Variants in TTLL12 observed in about 807,000 individuals in gnomAD.
TTLL12 encodes tubulin tyrosine ligase like 12, also known as tubulin--tyrosine ligase-like protein 12.
Under a neutral mutation model 79.6 loss-of-function variants are expected in TTLL12, and 77 were observed. That is an observed-to-expected ratio of 0.97 (90% confidence interval 0.81 to 1.17). TTLL12 has a LOEUF of 1.17. TTLL12 is among the 50% of genes most tolerant of loss of function. The pLI, the probability that TTLL12 is intolerant of heterozygous loss-of-function variation, is 0.00. For synonymous variants in TTLL12, 437 were observed against 376.1 expected (o/e 1.16, Z -1.87); for missense variants, 969 against 895.9 (o/e 1.08, Z -1.04).
chr22:43,185,615 C>A (rs1458032718), intron 1 of TTLL12, among the ~76,000 whole-genome samples: 2 of 152,142 alleles, frequency 1.3e-5, no homozygotes. Flanking sequence ...GGCGACCACC[C>A]TCTGTGTGCC....
chr22:43,180,073 A>C, intron 3 of TTLL12, 73 bp from the exon 4 acceptor site: 3 of 1,477,930 alleles, frequency 2.0e-6, no homozygotes, highest in Non-Finnish European at 2.7e-6. Flanking sequence ...GAACCCAGAC[A>C]TCGACCACCA....
At chr22:43,172,668 G>A in intron 9 of TTLL12, 114 bp from the exon 10 acceptor site, 1 of 1,194,708 alleles carries the variant, frequency 8.4e-7, no homozygotes, top group Non-Finnish European at 1.2e-6. Flanking sequence ...TCCTCCTTCT[G>A]CCTTTTCAAA....
chr22:43,170,648 C>T (rs959769348), intron 11 of TTLL12, among the ~76,000 whole-genome samples: 30 of 152,326 alleles, frequency 2.0e-4, no homozygotes, highest in Admixed American at 5.9e-4. Flanking sequence ...TGGTGGCTCA[C>T]GCCTGTAATC....
At position 43,168,848 on chromosome 22, in the gene TTLL12, C is replaced by A; in HGVS notation, c.1709G>T (p.Gly570Val). The A allele has an allele frequency of 6.2e-7, 1 of 1,606,828 alleles. No individual in the cohort carries two copies. Among genetic ancestry groups the A allele is most frequent in the Non-Finnish European group, 8.5e-7 (1 of 1,177,108 alleles). Reference protein sequence around the residue: ...QVACAKPPPLGLCDYPSSRAM... With the variant: ...QVACAKPPPLVLCDYPSSRAM... The stretch of plus-strand genomic sequence containing the variant: ...CCGGGATGAGGGGTAGTCGCAGAGG[C>A]CCAGGGGTGGTGGCTTGGCACAGGC... The change falls in exon 13 of 14, where the codon GGC (glycine) becomes GTC (valine). Residue 570 changes from glycine to valine, a missense_variant. Physicochemically the swap from Gly to Val is moderately radical, Grantham distance 109. Coordinates refer to ENST00000216129, the MANE Select transcript of TTLL12 (RefSeq NM_015140.4).
At chr22:43,181,999 GAAGGCCCGGAAGCAGA>G (rs59310023) in intron 2 of TTLL12, among the ~76,000 whole-genome samples, 26,236 of 144,140 alleles carry the variant, frequency 0.18, 3,393 homozygotes, top group African/African-American at 0.37. Context: ...TCAGGGGGAT[GAAGGCCCGGAAGCAGA>G]AAGGCCCGGA....
chr22:43,171,810 A>G lies in TTLL12; in HGVS notation c.1575+9T>C. 1 of 1,613,422 alleles carries G rather than the reference A, an allele frequency of 6.2e-7. No individual in the cohort carries two copies. Among genetic ancestry groups the G allele is most frequent in the South Asian group, 1.1e-5 (1 of 91,070 alleles). On this transcript the variant is annotated intron_variant, in intron 11 of 13. Transcript: ENST00000216129. The stretch of plus-strand genomic sequence containing the variant: ...TGTGAACCTGCTCTGCACCTCCCTC[A>G]GGCCCTACCTGCTTCAGCACCACAT...
At chr22:43,172,069 A>G (rs1931781435) in intron 10 of TTLL12, among the ~76,000 whole-genome samples, 169 bp from the exon 11 acceptor site, 2 of 152,202 alleles carry the variant, frequency 1.3e-5, no homozygotes, top group Non-Finnish European at 2.9e-5. Context: ...GGAGCCCCAC[A>G]GCCCCACTGA....
intron 6 of TTLL12, 105 bp downstream of exon 6, chr22:43,176,215 C>T (rs558151307): frequency 1.9e-5 from 16 of 826,862 alleles, no homozygotes; most frequent in Non-Finnish European, 2.4e-5. Flanking sequence ...TGACTTGCTG[C>T]GTGCCACGTG....
At chr22:43,186,449 CA>C (rs1472559398) in intron 1 of TTLL12, among the ~76,000 whole-genome samples, 1 of 152,170 alleles carries the variant, frequency 6.6e-6, no homozygotes, top group East Asian at 1.9e-4. Context: ...AGGCTCAAAT[CA>C]AATGAAAAAA....
chr22:43,184,320 T>G (rs1301200941), intron 1 of TTLL12, among the ~76,000 whole-genome samples: 1 of 152,206 alleles, frequency 6.6e-6, no homozygotes, highest in Non-Finnish European at 1.5e-5. Flanking sequence ...GGCGTGAGGA[T>G]GAATCACTCA....
intron 2 of TTLL12, among the ~76,000 whole-genome samples, chr22:43,182,433 C>G (rs1932082444): frequency 6.6e-6 from 1 of 152,204 alleles, no homozygotes; most frequent in Non-Finnish European, 1.5e-5. Context: ...CTCTGAGGGT[C>G]CACAAAACCT....
chr22:43,168,899 CG>C lies in TTLL12; in HGVS notation c.1657del (p.Arg553GlyfsTer35). 1 of 1,610,676 alleles carries C rather than the reference CG, an allele frequency of 6.2e-7. No individual in the cohort carries two copies. Among genetic ancestry groups the C allele is most frequent in the Admixed American group, 1.7e-5 (1 of 59,832 alleles). On this transcript the variant is annotated frameshift_variant, in exon 13 of 14. Transcript: ENST00000216129. LOFTEE classifies it high-confidence loss of function. ...PWTDVQAEIF[R>X]AFTELFQVAC... ...CACCTGGAACAGCTCCGTGAAGGCCCGGAAGATCTCAGCCTGGGGACCGGGG... is the reference window on the plus strand; with the variant it reads ...CACCTGGAACAGCTCCGTGAAGGCCCGAAGATCTCAGCCTGGGGACCGGGG...
chr22:43,184,971 T>C, intron 1 of TTLL12, among the ~76,000 whole-genome samples: 1 of 152,112 alleles, frequency 6.6e-6, no homozygotes, highest in East Asian at 1.9e-4. Context: ...GGCTCACGTC[T>C]GTAATCCCAA....
intron 11 of TTLL12, among the ~76,000 whole-genome samples, chr22:43,170,841 G>A (rs185177018): frequency 6.6e-6 from 1 of 152,348 alleles, no homozygotes; most frequent in Admixed American, 6.5e-5. Context: ...TTGGGCCCAG[G>A]AGATTGAGGT....
chr22:43,173,838 A>G lies in TTLL12; in HGVS notation c.1230-12T>C, dbSNP rs1931828623. ...GGTTGTCCTCGCCCCTGGGGAGCAGAAGGGCTGTCTGGGGGGCGCCTGGGG... is the reference window on the plus strand; with the variant it reads ...GGTTGTCCTCGCCCCTGGGGAGCAGGAGGGCTGTCTGGGGGGCGCCTGGGG... On this transcript the variant is annotated splice_polypyrimidine_tract_variant and intron_variant, in intron 8 of 13. Transcript: ENST00000216129. 6.3e-7 allele frequency: 1 copy of G among 1,599,690 alleles called. No homozygotes were observed.
intron 5 of TTLL12, among the ~76,000 whole-genome samples, chr22:43,179,032 C>T (rs1031787960): frequency 4.6e-5 from 7 of 152,066 alleles, no homozygotes; most frequent in Non-Finnish European, 1.0e-4. Context: ...GGCTACGCTC[C>T]CACAGGCTCC....
At chr22:43,172,833 G>C (rs1931801876) in intron 9 of TTLL12, among the ~76,000 whole-genome samples, 2 of 151,984 alleles carry the variant, frequency 1.3e-5, no homozygotes, top group South Asian at 4.2e-4. Context: ...GAGTAGCTGG[G>C]ATTACAGGTG....
At chr22:43,176,923 T>C (rs1189356826) in intron 5 of TTLL12, among the ~76,000 whole-genome samples, 1 of 151,550 alleles carries the variant, frequency 6.6e-6, no homozygotes, top group Non-Finnish European at 1.5e-5. Context: ...TAGTTTGGTG[T>C]CAAAAGAACA....
intron 8 of TTLL12, 42 bp downstream of exon 8, chr22:43,174,166 GA>G (rs753610158): frequency 3.1e-5 from 49 of 1,580,172 alleles, no homozygotes; most frequent in Admixed American, 5.2e-5. Context: ...CTGGGCCGGG[GA>G]AAAGGGCCAT....
Sources: allele counts gnomAD v4.1 joint callset (sites outside exome capture counted in the v4.1 genomes callset), GRCh38; gene constraint gnomAD v4.1.1; transcripts MANE v1.5; gene names NCBI Gene and HGNC (gene_info 2026-07-23, HGNC 2026-07-21).